GRIP1: variants seen among roughly 807,000 people sequenced by gnomAD.
GRIP1 encodes glutamate receptor interacting protein 1, also known as glutamate receptor-interacting protein 1.
Under a neutral mutation model 129.9 loss-of-function variants are expected in GRIP1, and 45 were observed. The ratio of observed to expected loss-of-function variants is 0.35; its 90% CI spans 0.27 to 0.44. The LOEUF (loss-of-function observed/expected upper bound fraction) is 0.44. GRIP1 is among the 20% of genes least tolerant of loss of function. The pLI is 1.00. For missense variants in GRIP1, 1,196 were observed against 1,396.8 expected, an observed-to-expected ratio of 0.86 and a Z score of 2.29; for synonymous variants, 530 against 520.8, an observed-to-expected ratio of 1.02 and a Z score of -0.24.
At chr12:66,918,557 T>C (rs2041164262) in intron 1 of GRIP1, among the ~76,000 whole-genome samples, 1 of 152,196 alleles carries the variant, frequency 6.6e-6, no homozygotes, top group Non-Finnish European at 1.5e-5. Context: ...TTTTGTTCTG[T>C]ACTTGCTCCT....
At chr12:66,587,217 C>T (rs1475192499) in intron 2 of GRIP1, among the ~76,000 whole-genome samples, 1 of 152,216 alleles carries the variant, frequency 6.6e-6, no homozygotes, top group East Asian at 1.9e-4. Flanking sequence ...AGGGACTTTG[C>T]ATTTGCTCTT....
At chr12:67,035,076 T>A (rs2043075378) in intron 1 of GRIP1, among the ~76,000 whole-genome samples, 1 of 152,244 alleles carries the variant, frequency 6.6e-6, no homozygotes, top group African/African-American at 2.4e-5. Flanking sequence ...CTCAGCCTGA[T>A]TTCCTTGGAA....
intron 1 of GRIP1, among the ~76,000 whole-genome samples, chr12:66,870,626 T>C (rs1283721601): frequency 6.6e-6 from 1 of 152,142 alleles, no homozygotes; most frequent in Admixed American, 6.6e-5. Context: ...TTATTTCTTG[T>C]GTGAACTTCG....
Position 66,415,734 on chromosome 12 carries a change from C to T in GRIP1, c.1838+4986G>A, listed in dbSNP as rs143883178. Among the ~76,000 whole-genome samples the T allele has an allele frequency of 1.9e-3, 294 of 152,232 alleles. 3 individuals are homozygous for T. The highest frequency in any genetic ancestry group is 6.7e-3 in the African/African-American group (277 of 41,532). On this transcript the variant is annotated intron_variant, in intron 15 of 24. Transcript: ENST00000359742. ...ATATATATACACACAGAATACTATG[C>T]AGCCATAAAAAGGAATGAGATCATG...
At chr12:66,789,147 C>T (rs2038449991) in intron 1 of GRIP1, among the ~76,000 whole-genome samples, 1 of 152,116 alleles carries the variant, frequency 6.6e-6, no homozygotes, top group Non-Finnish European at 1.5e-5. Context: ...TAGTAAAATT[C>T]TTTACAAAAA....
At chr12:66,644,815 C>T (rs7297885) in intron 1 of GRIP1, among the ~76,000 whole-genome samples, 88,693 of 152,044 alleles carry the variant, frequency 0.58, 27,725 homozygotes, top group African/African-American at 0.82. Context: ...GCATATCAAG[C>T]ACAGCATACA....
intron 1 of GRIP1, among the ~76,000 whole-genome samples, chr12:66,834,936 A>AAAAG (rs1555243843): frequency 5.0e-5 from 5 of 99,292 alleles, no homozygotes; most frequent in Non-Finnish European, 1.1e-4. Context: ...TAAAAAAAAA[A>AAAAG]GGGGGGGGGG....
intron 1 of GRIP1, among the ~76,000 whole-genome samples, chr12:66,982,456 C>T (rs926758933): frequency 4.6e-5 from 7 of 152,170 alleles, no homozygotes; most frequent in African/African-American, 1.7e-4. Context: ...TGTAACTTTG[C>T]TTCCAAGCTT....
At chr12:66,514,605 G>A (rs962793538) in intron 7 of GRIP1, among the ~76,000 whole-genome samples, 3 of 151,984 alleles carry the variant, frequency 2.0e-5, no homozygotes, top group Admixed American at 6.6e-5. Context: ...AGTAAGGGAG[G>A]CGATATTCAT....
rs200381983 is a variant in GRIP1, at chr12:66,977,807, A to ATT, written c.58+91241_58+91242dup. ...ACTATAGTCAGTTCTAGAGCTGAGC[A>ATT]TTTTTTTTTTTTTTTTTTTTTTTTT... On this transcript the variant is annotated intron_variant, in intron 1 of 1. Coordinates refer to the GRIP1 transcript ENST00000643019. Among the ~76,000 whole-genome samples, 287 of 60,258 alleles carry ATT rather than the reference A, an allele frequency of 4.8e-3. 52 individuals are homozygous for ATT. Among genetic ancestry groups the ATT allele is most frequent in the South Asian group, 0.013 (17 of 1,346 alleles). 39.5% of individuals were successfully genotyped at this position (60,258 alleles called of 152,430 possible).
chr12:66,604,713 C>A (rs1034371657), intron 1 of GRIP1, among the ~76,000 whole-genome samples: 1 of 152,050 alleles, frequency 6.6e-6, no homozygotes, highest in African/African-American at 2.4e-5. Flanking sequence ...ATTGCCTCAG[C>A]TGACATTTTC....
chr12:67,001,149 T>C (rs895990064), intron 1 of GRIP1, among the ~76,000 whole-genome samples: 1 of 152,196 alleles, frequency 6.6e-6, no homozygotes, highest in Admixed American at 6.5e-5. Context: ...CTTACTATAC[T>C]TGTTTATACT....
At chr12:66,785,333 TAC>T (rs1449444219) in intron 1 of GRIP1, among the ~76,000 whole-genome samples, 2,275 of 68,524 alleles carry the variant, frequency 0.033, 38 homozygotes, top group Non-Finnish European at 0.054. Flanking sequence ...CATACATACA[TAC>T]ATACATACAT....
intron 1 of GRIP1, among the ~76,000 whole-genome samples, chr12:66,843,807 AT>A (rs71088213): frequency 0.28 from 41,989 of 152,048 alleles, 6,864 homozygotes; most frequent in East Asian, 0.41. Flanking sequence ...TTAACTTGAA[AT>A]GGATATAATA....
intron 7 of GRIP1, among the ~76,000 whole-genome samples, chr12:66,465,912 G>T (rs1356603788): frequency 1.3e-5 from 2 of 152,156 alleles, no homozygotes; most frequent in Non-Finnish European, 2.9e-5. Context: ...GAGGAAGAAA[G>T]AAAAGAAGGA....
At chr12:67,040,183 C>A (rs565956440) in intron 1 of GRIP1, among the ~76,000 whole-genome samples, 27 of 152,044 alleles carry the variant, frequency 1.8e-4, no homozygotes, top group Middle Eastern at 3.4e-3. Context: ...GAGAGATAAT[C>A]ATAGTGCCTG....
At chr12:66,565,730 C>T (rs927444260) in intron 2 of GRIP1, among the ~76,000 whole-genome samples, 5 of 152,146 alleles carry the variant, frequency 3.3e-5, no homozygotes, top group Non-Finnish European at 7.4e-5. Flanking sequence ...TGGCCATTTT[C>T]ACGATATTGA....
rs148656906 is a variant in GRIP1 at position 66,649,749 on chromosome 12, C to T, written c.55+29101G>A. Among the ~76,000 whole-genome samples, 29 of 152,192 alleles carry T rather than the reference C, an allele frequency of 1.9e-4. No homozygotes were observed. In the East Asian group the frequency reaches 2.1e-3, roughly 11 times the overall value. On this transcript the variant is annotated intron_variant, in intron 1 of 24. Coordinates refer to ENST00000359742, the MANE Select transcript of GRIP1 (RefSeq NM_001366722.1). ...TAGGACATGAAAAAGACGTAGGTTT[C>T]GGATACACGGAAATGAGGAAAATCG...
intron 15 of GRIP1, among the ~76,000 whole-genome samples, chr12:66,410,909 C>T (rs2057377433): frequency 6.6e-6 from 1 of 152,188 alleles, no homozygotes; most frequent in Non-Finnish European, 1.5e-5. Flanking sequence ...GAAATCATAA[C>T]AGTCTCTCAA....
Sources: allele counts gnomAD v4.1 joint callset (sites outside exome capture counted in the v4.1 genomes callset), GRCh38; gene constraint gnomAD v4.1.1; transcripts MANE v1.5; gene names NCBI Gene and HGNC (gene_info 2026-07-23, HGNC 2026-07-21).